BCAS3: variants seen among roughly 807,000 people sequenced by gnomAD.
The protein encoded by BCAS3 is BCAS4/BCAS3 fusion.
BCAS3 carries 53 observed loss-of-function variants against 116.1 expected under a neutral mutation model. The observed-to-expected ratio is 0.46, with a 90% CI of 0.37 to 0.57. The LOEUF (loss-of-function observed/expected upper bound fraction) is 0.57. Ranked by LOEUF, BCAS3 falls within the 20% of genes least tolerant of loss-of-function variation. The pLI is 0.00. For missense variants in BCAS3, 917 were observed against 1,165.4 expected, an observed-to-expected ratio of 0.79 and a Z score of 3.10; for synonymous variants, 391 against 408.2, an observed-to-expected ratio of 0.96 and a Z score of 0.51.
intron 6 of BCAS3, among the ~76,000 whole-genome samples, chr17:60,766,068 T>A (rs2044064057): frequency 6.6e-6 from 1 of 152,226 alleles, no homozygotes; most frequent in African/African-American, 2.4e-5. Flanking sequence ...ACACTGTTTA[T>A]TCTAGTTAGC....
chr17:60,909,781 T>G (rs1194724721), intron 11 of BCAS3, among the ~76,000 whole-genome samples: 1 of 152,166 alleles, frequency 6.6e-6, no homozygotes, highest in African/African-American at 2.4e-5. Flanking sequence ...GAAAAAATAT[T>G]TCACGAGTTA....
intron 22 of BCAS3, among the ~76,000 whole-genome samples, chr17:61,099,698 A>G (rs2074205109): frequency 6.6e-6 from 1 of 152,252 alleles, no homozygotes; most frequent in Non-Finnish European, 1.5e-5. Context: ...TTTATAAAGC[A>G]TTAACTCTAG....
chr17:61,014,289 T>C (rs1356599641), intron 15 of BCAS3, among the ~76,000 whole-genome samples: 2 of 152,096 alleles, frequency 1.3e-5, no homozygotes, highest in Non-Finnish European at 2.9e-5. Flanking sequence ...GTAATTTTTA[T>C]AGTTTCTCTG....
chr17:60,930,525 C>A (rs750296445), intron 13 of BCAS3, among the ~76,000 whole-genome samples: 1 of 151,450 alleles, frequency 6.6e-6, no homozygotes, highest in Non-Finnish European at 1.5e-5. Context: ...AGTGTGATCT[C>A]GGCTCACCAC....
At chr17:61,308,334 C>T (rs2054011132) in intron 22 of BCAS3, among the ~76,000 whole-genome samples, 2 of 152,050 alleles carry the variant, frequency 1.3e-5, no homozygotes, top group Admixed American at 6.5e-5. Context: ...GTGACCCCAG[C>T]GACCTCCATT....
chr17:60,921,485 C>T (rs1407287908), intron 12 of BCAS3, among the ~76,000 whole-genome samples: 4 of 150,614 alleles, frequency 2.7e-5, no homozygotes, highest in East Asian at 2.0e-4. Context: ...TAGTGGCGGG[C>T]GCCTGTAGTC....
chr17:60,721,829 C>A (rs1243533364), intron 5 of BCAS3, among the ~76,000 whole-genome samples: 2 of 152,116 alleles, frequency 1.3e-5, no homozygotes, highest in African/African-American at 2.4e-5. Context: ...TCAAAAGAAT[C>A]CCTTGTGCCA....
At chr17:61,153,242 G>C (rs1490712594) in intron 22 of BCAS3, among the ~76,000 whole-genome samples, 1 of 152,104 alleles carries the variant, frequency 6.6e-6, no homozygotes, top group East Asian at 1.9e-4. Context: ...AATGTTGTAG[G>C]ACAGTGCTAA....
At chr17:61,273,716 C>T (rs1488797534) in intron 22 of BCAS3, among the ~76,000 whole-genome samples, 1 of 149,908 alleles carries the variant, frequency 6.7e-6, no homozygotes, top group Non-Finnish European at 1.5e-5. Context: ...TCGCATGGGT[C>T]ACTGTGGCTC....
rs890640017 is a variant in BCAS3, at chr17:61,118,822, G to A, written c.2425+34258G>A. Among the ~76,000 whole-genome samples the A allele has an allele frequency of 1.2e-4, 18 of 152,134 alleles. No homozygotes were observed. The highest frequency in any genetic ancestry group is 3.6e-4 in the African/African-American group (15 of 41,518). On this transcript the variant is annotated intron_variant, in intron 22 of 23. Transcript: ENST00000407086. This position sits in a 1 kb window ranked among gnomAD's most constrained non-coding sequence, Gnocchi z 5.0. ...CTTTACCAATATGGGGACTAACTTC[G>A]CAGGATTCTGGTGCTGATATTTGAA...
intron 19 of BCAS3, among the ~76,000 whole-genome samples, chr17:61,069,705 G>A (rs755930000): frequency 2.6e-5 from 4 of 151,990 alleles, no homozygotes; most frequent in Non-Finnish European, 4.4e-5. Context: ...AGGCATGGTG[G>A]CGCACGCCTG....
chr17:61,175,864 G>A (rs987050874), intron 22 of BCAS3, among the ~76,000 whole-genome samples: 1 of 152,120 alleles, frequency 6.6e-6, no homozygotes, highest in Non-Finnish European at 1.5e-5. Flanking sequence ...GACTAGGTGT[G>A]GTGGCTCACG....
Position 60,820,213 on chromosome 17 carries a change from A to G in BCAS3, c.476+12137A>G, listed in dbSNP as rs1452693167. On this transcript the variant is annotated intron_variant, in intron 7 of 23. Transcript: ENST00000407086. ...CTCCCGAGTAGCTGGGACTACAGGC[A>G]CCCGCCACCACGCCCGGCTAATTTT... Among the ~76,000 whole-genome samples the G allele has an allele frequency of 4.6e-5, 7 of 151,678 alleles. No individual in the cohort carries two copies. The East Asian group carries it at 7.8e-4, about 17-fold the overall frequency.
intron 13 of BCAS3, among the ~76,000 whole-genome samples, chr17:60,932,996 G>A (rs1022523282): frequency 2.6e-5 from 4 of 151,894 alleles, no homozygotes; most frequent in Non-Finnish European, 4.4e-5. Flanking sequence ...CCAACATGGC[G>A]AAACCTCATC....
At chr17:60,768,030 CCTCAAGCAATCCTGT>C (rs2044289819) in intron 6 of BCAS3, among the ~76,000 whole-genome samples, 1 of 152,148 alleles carries the variant, frequency 6.6e-6, no homozygotes, top group Admixed American at 6.5e-5. Context: ...AAATTACTGG[CCTCAAGCAATCCTGT>C]CTCAGCCTTC....
At chr17:60,729,531 T>G (rs1181786669) in intron 5 of BCAS3, among the ~76,000 whole-genome samples, 1 of 152,090 alleles carries the variant, frequency 6.6e-6, no homozygotes, top group East Asian at 1.9e-4. Context: ...TGTCAGTCAT[T>G]AAAAAAAATC....
intron 14 of BCAS3, among the ~76,000 whole-genome samples, chr17:60,951,678 A>G (rs561327590): frequency 6.6e-6 from 1 of 152,244 alleles, no homozygotes; most frequent in Admixed American, 6.5e-5. Context: ...AATAGTTCTT[A>G]AAAGCTATGT....
intron 12 of BCAS3, among the ~76,000 whole-genome samples, chr17:60,914,187 A>G (rs1179470479): frequency 6.6e-6 from 1 of 152,146 alleles, no homozygotes; most frequent in African/African-American, 2.4e-5. Flanking sequence ...AGTTCATCCT[A>G]CTGTGATAAG....
At position 60,757,320 on chromosome 17, in the gene BCAS3, AAT is replaced by A. The variant is rs1444076252; in HGVS notation, c.403+10043_403+10044del. On this transcript the variant is annotated intron_variant, in intron 6 of 23. Coordinates refer to ENST00000407086, the MANE Select transcript of BCAS3 (RefSeq NM_017679.5). Reference sequence around the variant, plus strand: ...ACAGAGCAAGACTCTGTCTCAAAAAAATAATAATAATAAATAAATAAATAAAT... The same window carrying A: ...ACAGAGCAAGACTCTGTCTCAAAAAAAATAATAATAAATAAATAAATAAAT... 3.7e-4 allele frequency among the ~76,000 whole-genome samples: 19 copies of A among 51,184 alleles called. No individual in the cohort carries two copies. In the South Asian group the frequency reaches 0.035, roughly 95 times the overall value. The allele number at this position is 51,184 out of a possible 152,430, so 33.6% of individuals were successfully genotyped here. A position where few individuals can be genotyped will look rare whatever the true frequency, so the allele number is the denominator to read the frequency against.
Sources: gnomAD v4.1 joint callset for allele counts (sites outside exome capture counted in the v4.1 genomes callset) on GRCh38, gnomAD v4.1.1 for gene constraint, Gnocchi (gnomAD v3.1) non-coding constraint, MANE v1.5 for transcripts, NCBI Gene and HGNC (gene_info 2026-07-23, HGNC 2026-07-21) for gene names.